Variants in RBM25 observed in about 807,000 individuals in gnomAD.
RBM25 encodes the protein RNA binding motif protein 25.
RBM25 carries 19 observed loss-of-function variants against 120.7 expected under a neutral mutation model. That is an observed-to-expected ratio of 0.16 (90% CI 0.11 to 0.23). The LOEUF (loss-of-function observed/expected upper bound fraction) is 0.23. Among genes scored for constraint, RBM25 ranks in the 10% least tolerant of loss-of-function variants. The pLI is 1.00. For missense variants in RBM25, 605 were observed against 1,041.5 expected, an observed-to-expected ratio of 0.58 and a Z score of 5.77; for synonymous variants, 390 against 326.7, an observed-to-expected ratio of 1.19 and a Z score of -2.09.
At chr14:73,065,776 A>T (rs2140421589) in intron 1 of RBM25, among the ~76,000 whole-genome samples, 1 of 150,360 alleles carries the variant, frequency 6.7e-6, no homozygotes, top group Non-Finnish European at 1.5e-5. Flanking sequence ...GCTGGTCTCG[A>T]ACTCCTGACC....
chr14:73,088,428 G>A (rs1895738382), intron 6 of RBM25: 50 of 568,224 alleles, frequency 8.8e-5, no homozygotes, highest in South Asian at 7.6e-4. Flanking sequence ...GAAAGCACTG[G>A]TACAGACTAT....
chr14:73,081,103 G>A (rs1258246784), intron 4 of RBM25, among the ~76,000 whole-genome samples: 1 of 151,750 alleles, frequency 6.6e-6, no homozygotes, highest in African/African-American at 2.4e-5. Context: ...GGGATTACAT[G>A]CGTGAGCCAC....
intron 1 of RBM25, 130 bp from the exon 2 acceptor site, chr14:73,071,496 CT>C: frequency 1.5e-6 from 1 of 660,096 alleles, no homozygotes. Context: ...AAAAGAGGGT[CT>C]TTGCCAATTT....
intron 4 of RBM25, among the ~76,000 whole-genome samples, chr14:73,081,564 A>G (rs1485007732): frequency 1.3e-5 from 2 of 152,104 alleles, no homozygotes; most frequent in Admixed American, 6.5e-5. Context: ...TTTGGATCCT[A>G]TATCTTGCTT....
At chr14:73,076,981 C>T (rs765022240) in intron 3 of RBM25, among the ~76,000 whole-genome samples, 10 of 152,170 alleles carry the variant, frequency 6.6e-5, no homozygotes, top group South Asian at 2.1e-4. Flanking sequence ...CTCGGGAGGC[C>T]GAGGCAGGAG....
At chr14:73,068,624 C>T in intron 1 of RBM25, 2 of 445,048 alleles carry the variant, frequency 4.5e-6, no homozygotes, top group South Asian at 1.8e-5. Flanking sequence ...GGCATTACCA[C>T]ATCCCAAGCT....
At chr14:73,087,894 TG>T in intron 5 of RBM25, 106 bp from the exon 6 acceptor site, 1 of 1,049,442 alleles carries the variant, frequency 9.5e-7, no homozygotes, top group Non-Finnish European at 1.4e-6. Flanking sequence ...ATGAATTGAG[TG>T]GTCTTTGTAT....
chr14:73,106,278 G>A lies in RBM25; in HGVS notation c.1460G>A (p.Arg487Lys). 1 of 1,561,476 alleles carries A rather than the reference G, an allele frequency of 6.4e-7. No individual in the cohort carries two copies. The change falls in exon 12 of 19, where the codon AGA becomes AAA. Residue 487 changes from arginine (R) to lysine (K), a missense_variant. Around this residue, in one of 4 missense-constraint regions of RBM25, gnomAD observed 465 missense variants for 741.6 expected, o/e 0.63. Coordinates refer to ENST00000261973, the MANE Select transcript of RBM25 (RefSeq NM_021239.3). ...GCTGAAAGAGAAGAAGAAAGAAGAA[G>A]AGAAATGGTAAGATTCTAGGCTAAA... ...KEAEREEERR[R>K]EMAKEAKRLK...
Position 73,119,942 on chromosome 14 carries a change from C to T in RBM25, c.*137C>T, listed in dbSNP as rs1896510963. ...TGTAGAAAATGTGAATTTTTTGGTC[C>T]TCTAATTTGTTGTTGCCCTGTGTAC... On this transcript the variant is annotated 3_prime_UTR_variant, in exon 19 of 19. Transcript: ENST00000261973. 2 of 1,327,860 alleles carry T rather than the reference C, an allele frequency of 1.5e-6. No individual in the cohort carries two copies. Among genetic ancestry groups the T allele is most frequent in the South Asian group, 3.1e-5 (2 of 63,512 alleles). 82.3% of individuals were successfully genotyped at this position (1,327,860 alleles called of 1,614,324 possible). A position where few individuals can be genotyped will look rare whatever the true frequency, so the allele number is the denominator to read the frequency against.
chr14:73,076,457 G>A (rs1019289183), intron 3 of RBM25, 89 bp downstream of exon 3: 24 of 1,162,570 alleles, frequency 2.1e-5, no homozygotes, highest in Non-Finnish European at 2.9e-5. Context: ...TAAATTATGA[G>A]TATTTAAAAG....
chr14:73,089,429 A>G (rs545092993), intron 6 of RBM25, among the ~76,000 whole-genome samples: 8 of 152,156 alleles, frequency 5.3e-5, no homozygotes, highest in African/African-American at 1.7e-4. Context: ...ATCTTGGCTC[A>G]CTGCAACCTC....
At chr14:73,112,017 A>G in intron 16 of RBM25, 135 bp from the exon 17 acceptor site, 1 of 1,033,838 alleles carries the variant, frequency 9.7e-7, no homozygotes, top group Non-Finnish European at 1.4e-6. Context: ...AGATGATTGT[A>G]TCTTGATACA....
chr14:73,068,182 T>G (rs28716686), intron 1 of RBM25: 3 of 846,562 alleles, frequency 3.5e-6, no homozygotes, highest in Non-Finnish European at 5.9e-6. Context: ...TCTCTTGATA[T>G]GTGGAAAGCC....
chr14:73,076,401 A>T (rs1168329876), intron 3 of RBM25, 33 bp downstream of exon 3: 11 of 1,567,540 alleles, frequency 7.0e-6, no homozygotes, highest in African/African-American at 2.7e-5. Flanking sequence ...ATCATGAGTT[A>T]TGGTAGTGCT....
At chr14:73,095,945 C>T (rs1895932969) in intron 6 of RBM25, among the ~76,000 whole-genome samples, 2 of 152,210 alleles carry the variant, frequency 1.3e-5, no homozygotes, top group South Asian at 2.1e-4. Context: ...CAATTTTCCC[C>T]ACATAGAGGG....
chr14:73,099,631 C>G (rs1028586923), intron 8 of RBM25, 36 bp from the exon 9 acceptor site: 2 of 1,589,380 alleles, frequency 1.3e-6, no homozygotes, highest in African/African-American at 1.4e-5. Context: ...GTAGGGTGTT[C>G]TTTATTCATT....
intron 18 of RBM25, among the ~76,000 whole-genome samples, chr14:73,119,295 T>C (rs1566604562): frequency 6.6e-6 from 1 of 152,060 alleles, no homozygotes; most frequent in African/African-American, 2.4e-5. Context: ...TTTTTTGAGA[T>C]GGAGTCTTGC....
At chr14:73,102,323 T>C (rs1302491633) in intron 9 of RBM25, 1 of 152,228 alleles carries the variant, frequency 6.6e-6, no homozygotes, top group African/African-American at 2.4e-5. Flanking sequence ...CTTTGTTATT[T>C]GGTTTATTTG....
At chr14:73,113,865 A>G (rs985797753) in intron 17 of RBM25, among the ~76,000 whole-genome samples, 3 of 152,174 alleles carry the variant, frequency 2.0e-5, no homozygotes, top group African/African-American at 7.2e-5. Context: ...CTTAACCACT[A>G]AGGTATATCT....
Sources: gnomAD v4.1 joint callset for allele counts (sites outside exome capture counted in the v4.1 genomes callset) on GRCh38, gnomAD v4.1.1 for gene constraint, gnomAD v4.1.1 regional missense constraint, MANE v1.5 for transcripts, NCBI Gene and HGNC (gene_info 2026-07-23, HGNC 2026-07-21) for gene names.